Variants in CUBN observed in about 807,000 individuals in gnomAD.
CUBN encodes 460 kDa receptor.
In CUBN, 282 loss-of-function variants were observed where a neutral mutation model predicts 405.3. That is an observed-to-expected ratio of 0.70 (90% confidence interval 0.63 to 0.77). CUBN has a LOEUF of 0.77. Among genes scored for constraint, CUBN ranks in the 30% least tolerant of loss-of-function variants. CUBN has a pLI of 0.00. For missense variants in CUBN, 4,514 were observed against 4,475.2 expected (o/e 1.01, Z -0.25); for synonymous variants, 1,684 against 1,617.0 (o/e 1.04, Z -0.99).
At chr10:17,083,661 T>C (rs1169742311) in intron 17 of CUBN, among the ~76,000 whole-genome samples, 2 of 152,164 alleles carry the variant, frequency 1.3e-5, no homozygotes, top group African/African-American at 4.8e-5. Flanking sequence ...CACATAGGTT[T>C]TTCCTGGATG....
intron 40 of CUBN, among the ~76,000 whole-genome samples, chr10:16,929,358 C>G (rs1340298015): frequency 3.9e-5 from 6 of 152,088 alleles, no homozygotes; most frequent in Non-Finnish European, 7.4e-5. Flanking sequence ...TTATAGCAGA[C>G]TTGGATGCCG....
chr10:16,939,770 G>GA (rs1194762581), intron 37 of CUBN, among the ~76,000 whole-genome samples: 1 of 152,030 alleles, frequency 6.6e-6, no homozygotes, highest in Non-Finnish European at 1.5e-5. Context: ...ACAACGTCAT[G>GA]AAAAAAACTA....
chr10:17,122,918 A>C lies in CUBN; in HGVS notation c.490-20T>G. 1 of 1,565,490 alleles carries C rather than the reference A, an allele frequency of 6.4e-7. No homozygotes were observed. Reference sequence around the variant, plus strand: ...AGGACCCTGTGATCATATAAGGAACAAAGTCAGGTGCCAAAGGTCACAGAG... The same window carrying C: ...AGGACCCTGTGATCATATAAGGAACCAAGTCAGGTGCCAAAGGTCACAGAG... On this transcript the variant is annotated intron_variant, in intron 5 of 66. Coordinates refer to ENST00000377833, the MANE Select transcript of CUBN (RefSeq NM_001081.4).
chr10:16,986,209 G>A (rs1392562752), intron 29 of CUBN, among the ~76,000 whole-genome samples: 1 of 152,222 alleles, frequency 6.6e-6, no homozygotes, highest in Non-Finnish European at 1.5e-5. Flanking sequence ...CAGGCACTCA[G>A]GACCAGAGCC....
intron 59 of CUBN, among the ~76,000 whole-genome samples, chr10:16,868,769 C>A (rs1406352651): frequency 6.6e-6 from 1 of 152,036 alleles, no homozygotes; most frequent in Non-Finnish European, 1.5e-5. Context: ...CTTTACCTAC[C>A]CCCGCTACAT....
At chr10:16,888,609 G>A (rs375597321) in intron 55 of CUBN, 43 bp from the exon 56 acceptor site, 158 of 1,576,910 alleles carry the variant, frequency 1.0e-4, no homozygotes, top group African/African-American at 7.1e-4. Flanking sequence ...TTTATTTCTC[G>A]TGTATCTATT....
intron 51 of CUBN, among the ~76,000 whole-genome samples, 160 bp from the exon 52 acceptor site, chr10:16,901,619 C>G (rs1229926524): frequency 6.6e-6 from 1 of 151,908 alleles, no homozygotes; most frequent in South Asian, 2.1e-4. Flanking sequence ...TTTGGGAGGC[C>G]GAAGTGGGCA....
chr10:16,944,313 C>A (rs1842725528), intron 36 of CUBN, among the ~76,000 whole-genome samples: 1 of 152,172 alleles, frequency 6.6e-6, no homozygotes, highest in Admixed American at 6.5e-5. Context: ...ACCATATTCA[C>A]ATTTTTGGTC....
chr10:16,925,814 T>C (rs772197931), intron 41 of CUBN, 40 bp from the exon 42 acceptor site: 25 of 1,577,040 alleles, frequency 1.6e-5, no homozygotes, highest in East Asian at 2.2e-5. Flanking sequence ...TTAAATAGCA[T>C]TGGCAACTGG....
chr10:17,003,941 T>C (rs1172063204), intron 28 of CUBN, among the ~76,000 whole-genome samples: 2 of 152,228 alleles, frequency 1.3e-5, no homozygotes, highest in Non-Finnish European at 2.9e-5. Flanking sequence ...GTGGTTCCCT[T>C]TTCCTTACTA....
chr10:17,030,369 C>T (rs1185971899), intron 27 of CUBN, among the ~76,000 whole-genome samples: 1 of 148,540 alleles, frequency 6.7e-6, no homozygotes, highest in Admixed American at 6.8e-5. Context: ...TGCTTCAGAG[C>T]ACAAAAAAAT....
At chr10:16,890,292 C>T (rs1412139185) in intron 55 of CUBN, 79 bp downstream of exon 55, 1 of 1,458,598 alleles carries the variant, frequency 6.9e-7, no homozygotes, top group African/African-American at 1.4e-5. Flanking sequence ...CCTAGACCCC[C>T]AGGTTTAGCC....
intron 31 of CUBN, among the ~76,000 whole-genome samples, chr10:16,969,134 C>G (rs1166823080): frequency 6.6e-6 from 1 of 152,192 alleles, no homozygotes; most frequent in Non-Finnish European, 1.5e-5. Flanking sequence ...GATTGTATAT[C>G]AATAACAATG....
chr10:16,925,335 C>T lies in CUBN; in HGVS notation c.6552G>A (p.Leu2184=), dbSNP rs539898281. The part of the protein sequence containing the change: ...HFCGSHASST[L]FTSDNQMFVQ... Reference sequence around the variant, plus strand: ...CAAACATTTGATTATCCGAGGTGAACAGAGTTGATGAAGCATGACTGCCAC... The same window carrying T: ...CAAACATTTGATTATCCGAGGTGAATAGAGTTGATGAAGCATGACTGCCAC... Residue 2184 remains leucine (L), a synonymous_variant, in exon 43 of 67, where the codon CTG becomes CTA. Coordinates refer to ENST00000377833, the MANE Select transcript of CUBN (RefSeq NM_001081.4). 6.2e-7 allele frequency: 1 copy of T among 1,613,804 alleles called. No homozygotes were observed. Among genetic ancestry groups the T allele is most frequent in the South Asian group, 1.1e-5 (1 of 91,074 alleles).
intron 60 of CUBN, among the ~76,000 whole-genome samples, chr10:16,846,781 G>A (rs917064634): frequency 1.4e-5 from 2 of 146,282 alleles, no homozygotes; most frequent in Non-Finnish European, 3.0e-5. Flanking sequence ...CATTGCACTC[G>A]AGCCTGGGTG....
chr10:17,031,425 G>T (rs1834785274), intron 27 of CUBN, among the ~76,000 whole-genome samples: 1 of 152,172 alleles, frequency 6.6e-6, no homozygotes, highest in Non-Finnish European at 1.5e-5. Context: ...CCGTTTTACA[G>T]AAAGGGAAAG....
chr10:16,848,690 CTTTTTTT>C (rs10562297), intron 60 of CUBN, among the ~76,000 whole-genome samples: 4 of 53,368 alleles, frequency 7.5e-5, no homozygotes, highest in Non-Finnish European at 1.0e-4. Context: ...CTCTCCCAGC[CTTTTTTT>C]TTTTTTTTTT....
chr10:17,111,761 T>C (rs1416592393), intron 8 of CUBN, among the ~76,000 whole-genome samples: 2 of 152,154 alleles, frequency 1.3e-5, no homozygotes, highest in Non-Finnish European at 2.9e-5. Context: ...CCATCTGTAC[T>C]AAAAATACAA....
chr10:17,045,879 T>G lies in CUBN; in HGVS notation c.3490+55A>C, dbSNP rs1835120658. ...GGGACAGAGCATGACAATCCCAGAA[T>G]CAAGAAACCAATCAGATTGGCTTCT... On this transcript the variant is annotated intron_variant, in intron 24 of 66. Transcript: ENST00000377833. 3 of 1,579,302 alleles carry G rather than the reference T, an allele frequency of 1.9e-6. No homozygotes were observed. The East Asian group carries it at 6.7e-5, about 35-fold the overall frequency.
Sources: allele counts gnomAD v4.1 joint callset (sites outside exome capture counted in the v4.1 genomes callset), GRCh38; gene constraint gnomAD v4.1.1; transcripts MANE v1.5; gene names NCBI Gene and HGNC (gene_info 2026-07-23, HGNC 2026-07-21).